GRID1: variants seen among roughly 807,000 people sequenced by gnomAD.
The protein encoded by GRID1 is glutamate receptor ionotropic, delta-1.
GRID1 carries 28 observed loss-of-function variants against 98.0 expected under a neutral mutation model. The ratio of observed to expected loss-of-function variants is 0.29; its 90% CI spans 0.21 to 0.39. The LOEUF is 0.39. Ranked by LOEUF, GRID1 falls within the 10% of genes least tolerant of loss-of-function variation. GRID1 has a pLI of 1.00. For missense variants in GRID1, 1,111 were observed against 1,340.5 expected, an observed-to-expected ratio of 0.83 and a Z score of 2.67; for synonymous variants, 553 against 538.5, an observed-to-expected ratio of 1.03 and a Z score of -0.37.
At chr10:85,740,836 T>C (rs1423551461) in intron 8 of GRID1, among the ~76,000 whole-genome samples, 3 of 152,122 alleles carry the variant, frequency 2.0e-5, no homozygotes, top group East Asian at 3.9e-4. Flanking sequence ...ACTGCAAACT[T>C]TGCCTCCCCA....
At position 85,640,045 on chromosome 10, in the gene GRID1, G is replaced by A. The variant is rs113045261; in HGVS notation, c.2193+7157C>T. On this transcript the variant is annotated intron_variant, in intron 13 of 15. Coordinates refer to ENST00000327946, the MANE Select transcript of GRID1 (RefSeq NM_017551.3). ...AGACCTTCCGCAAGTATCACAGATG[G>A]TACAGAAAGGTGAACACTTGTTCAA... is the stretch of plus-strand genomic sequence containing the variant. Among the ~76,000 whole-genome samples the A allele has an allele frequency of 5.3e-5, 8 of 152,208 alleles. 1 individual carries two copies. Among genetic ancestry groups the A allele is most frequent in the African/African-American group, 1.7e-4 (7 of 41,502 alleles).
At chr10:85,611,062 T>C (rs1167637715) in intron 15 of GRID1, among the ~76,000 whole-genome samples, 4 of 152,172 alleles carry the variant, frequency 2.6e-5, no homozygotes, top group Non-Finnish European at 1.5e-5. Context: ...GAATAAAAGG[T>C]AGGATGTTTT....
chr10:86,178,422 C>T (rs922996878), intron 3 of GRID1, among the ~76,000 whole-genome samples: 1 of 152,152 alleles, frequency 6.6e-6, no homozygotes, highest in Admixed American at 6.5e-5. Context: ...AGTTAACAGG[C>T]TCTCCAGAGG....
intron 4 of GRID1, among the ~76,000 whole-genome samples, chr10:85,989,059 T>A (rs562714432): frequency 1.7e-4 from 26 of 152,180 alleles, no homozygotes; most frequent in Non-Finnish European, 3.7e-4. Flanking sequence ...GGTTTAGGAT[T>A]GGCTGGTGTG....
At chr10:86,075,624 T>A (rs951364098) in intron 4 of GRID1, among the ~76,000 whole-genome samples, 1 of 152,114 alleles carries the variant, frequency 6.6e-6, no homozygotes, top group Non-Finnish European at 1.5e-5. Flanking sequence ...CACAGCAAGG[T>A]TCCTCCAGGT....
Position 85,968,276 on chromosome 10 carries a change from C to T in GRID1, c.727-52037G>A, listed in dbSNP as rs1013737135. Among the ~76,000 whole-genome samples the T allele has an allele frequency of 3.8e-3, 573 of 151,870 alleles. 9 individuals are homozygous for T. The highest frequency in any genetic ancestry group is 0.025 in the Admixed American group (378 of 15,242). ...CCATCCTGGCTAACATGGTGAAACC[C>T]CCGTCTCTACTAAAAATACAAAAAA... On this transcript the variant is annotated intron_variant, in intron 4 of 15. Coordinates refer to ENST00000327946, the MANE Select transcript of GRID1 (RefSeq NM_017551.3).
At chr10:86,025,732 G>A (rs1003730684) in intron 4 of GRID1, among the ~76,000 whole-genome samples, 4 of 152,204 alleles carry the variant, frequency 2.6e-5, no homozygotes, top group African/African-American at 9.7e-5. Flanking sequence ...GTATACAAGC[G>A]GATATCATGC....
At position 86,138,885 on chromosome 10, in the gene GRID1, G is replaced by A. The variant is rs1280266141; in HGVS notation, c.660C>T (p.Tyr220=). The stretch of plus-strand genomic sequence containing the variant: ...GGATGGCGCGGCGAAGCGTGTCCCG[G>A]TAGCGATTCAGCTCCTCTGTCTTCA... ...TTMKTEELNR[Y]RDTLRRAILL... is the part of the protein sequence containing the mutation. Residue 220 remains tyrosine (Y), a synonymous_variant, in exon 4 of 16, where the codon TAC becomes TAT. Coordinates refer to ENST00000327946, the MANE Select transcript of GRID1 (RefSeq NM_017551.3). 6.2e-7 allele frequency: 1 copy of A among 1,614,216 alleles called. No individual in the cohort carries two copies. The highest frequency in any genetic ancestry group is 1.1e-5 in the South Asian group (1 of 91,086).
chr10:85,750,002 G>A lies in GRID1; in HGVS notation c.1234-20388C>T, dbSNP rs530433659. 1.8e-4 allele frequency among the ~76,000 whole-genome samples: 27 copies of A among 152,184 alleles called. No individual in the cohort carries two copies. In the South Asian group the frequency reaches 5.6e-3, roughly 32 times the overall value. ...GATTTCTTGTCTATCTCCCCTCACTGGAATATAAGCTGCATGAGGACAGAG... is the reference window on the plus strand; with the variant it reads ...GATTTCTTGTCTATCTCCCCTCACTAGAATATAAGCTGCATGAGGACAGAG... On this transcript the variant is annotated intron_variant, in intron 8 of 15. Coordinates refer to ENST00000327946, the MANE Select transcript of GRID1 (RefSeq NM_017551.3).
At chr10:86,252,259 G>A (rs758638371) in intron 2 of GRID1, among the ~76,000 whole-genome samples, 3 of 152,124 alleles carry the variant, frequency 2.0e-5, no homozygotes, top group East Asian at 3.9e-4. Context: ...TTAATATCAC[G>A]CCCAGCCTGC....
intron 4 of GRID1, among the ~76,000 whole-genome samples, chr10:86,080,878 C>T (rs1378190784): frequency 6.6e-6 from 1 of 152,180 alleles, no homozygotes; most frequent in African/African-American, 2.4e-5. Context: ...CACACCAACT[C>T]CAACCATCTC....
intron 12 of GRID1, among the ~76,000 whole-genome samples, chr10:85,712,531 A>G (rs2132637783): frequency 6.6e-6 from 1 of 152,018 alleles, no homozygotes; most frequent in East Asian, 1.9e-4. Context: ...CAGAAAGTCA[A>G]TAAGTAAAAG....
chr10:85,969,747 G>T (rs781391402), intron 4 of GRID1, among the ~76,000 whole-genome samples: 1 of 151,804 alleles, frequency 6.6e-6, no homozygotes, highest in Admixed American at 6.6e-5. Flanking sequence ...GAGAAAGAAG[G>T]CCTCAAATCA....
chr10:85,919,009 G>T lies in GRID1; in HGVS notation c.727-2770C>A, dbSNP rs1036313309. On this transcript the variant is annotated intron_variant, in intron 4 of 15. Transcript: ENST00000327946. ...GGGATCCTAATTCACTGGTAATTGT[G>T]CTGTGTCTGAGGTCCTGTGCTGTTT... Among the ~76,000 whole-genome samples, 6 of 152,344 alleles carry T rather than the reference G, an allele frequency of 3.9e-5. No homozygotes were observed. The East Asian group carries it at 7.7e-4, about 20-fold the overall frequency.
At chr10:85,773,230 T>C (rs1258644063) in intron 8 of GRID1, among the ~76,000 whole-genome samples, 1 of 152,164 alleles carries the variant, frequency 6.6e-6, no homozygotes, top group Non-Finnish European at 1.5e-5. Flanking sequence ...AACCACATGA[T>C]TATCTCAATA....
At chr10:86,260,923 C>G (rs191722479) in intron 2 of GRID1, among the ~76,000 whole-genome samples, 9 of 152,340 alleles carry the variant, frequency 5.9e-5, no homozygotes, top group Non-Finnish European at 1.2e-4. Context: ...TGGAGCTAAA[C>G]AAAGACCCAG....
At chr10:85,762,234 A>G (rs948492715) in intron 8 of GRID1, among the ~76,000 whole-genome samples, 1 of 152,222 alleles carries the variant, frequency 6.6e-6, no homozygotes, top group East Asian at 1.9e-4. Flanking sequence ...ATGCATGATA[A>G]TTAAATTTGA....
chr10:86,132,198 G>A (rs1175202973), intron 4 of GRID1, among the ~76,000 whole-genome samples: 1 of 152,016 alleles, frequency 6.6e-6, no homozygotes, highest in East Asian at 1.9e-4. Flanking sequence ...CAGCACTCAG[G>A]GGCTTTGGAA....
intron 8 of GRID1, among the ~76,000 whole-genome samples, chr10:85,845,524 A>T (rs1842997376): frequency 6.6e-6 from 1 of 152,190 alleles, no homozygotes; most frequent in African/African-American, 2.4e-5. Context: ...AAAATCCCAA[A>T]TTTTTTTGTG....
Sources: allele counts gnomAD v4.1 joint callset (sites outside exome capture counted in the v4.1 genomes callset), GRCh38; gene constraint gnomAD v4.1.1; transcripts MANE v1.5; gene names NCBI Gene and HGNC (gene_info 2026-07-23, HGNC 2026-07-21).